Variants in KDM5C observed in about 807,000 individuals in gnomAD.
KDM5C encodes the protein lysine-specific demethylase 5C.
Under a neutral mutation model 110.6 loss-of-function variants are expected in KDM5C, and 16 were observed. The observed-to-expected ratio is 0.14, with a 90% confidence interval of 0.10 to 0.22. KDM5C has a LOEUF of 0.22. KDM5C is among the 10% of genes least tolerant of loss of function. The pLI, the probability that KDM5C is intolerant of heterozygous loss-of-function variation, is 1.00. For synonymous variants in KDM5C, 511 were observed against 520.4 expected, an observed-to-expected ratio of 0.98 and a Z score of 0.24; for missense variants, 681 against 1,300.9, an observed-to-expected ratio of 0.52 and a Z score of 7.33.
chrX:53,217,690 T>A (rs1192706224), intron 4 of KDM5C, 106 bp downstream of exon 4: 2 of 861,789 alleles, frequency 2.3e-6, no homozygotes, highest in African/African-American at 2.0e-5. Flanking sequence ...AAGAGCAGAG[T>A]CCAACTCCCA....
At chrX:53,203,915 C>T (rs1556843718) in intron 12 of KDM5C, among the ~76,000 whole-genome samples, 2 of 110,920 alleles carry the variant, frequency 1.8e-5, no homozygotes, top group African/African-American at 3.3e-5. Context: ...TACAGGCACA[C>T]GCCACTATGC....
chrX:53,195,664 T>A (rs930004012), intron 20 of KDM5C, among the ~76,000 whole-genome samples: 4 of 111,690 alleles, frequency 3.6e-5, no homozygotes, highest in Non-Finnish European at 3.8e-5. Flanking sequence ...CCTGCCCTGC[T>A]CAGTCCCATA....
Position 53,192,321 on chromosome X carries a change from CAGG to C in KDM5C, c.*643_*645del, listed in dbSNP as rs1934471818. The C allele has an allele frequency of 5.6e-6, 1 of 179,064 alleles. No individual in the cohort carries two copies. Among genetic ancestry groups the C allele is most frequent in the Non-Finnish European group, 1.1e-5 (1 of 94,462 alleles). 14.8% of individuals were successfully genotyped at this position (179,064 alleles called of 1,213,427 possible). The stretch of plus-strand genomic sequence containing the variant: ...ATCTTCTTTTATTACAACATGAACC[CAGG>C]AGGAGGAAAGGAGACAGGGGAGGAC... On this transcript the variant is annotated 3_prime_UTR_variant, in exon 26 of 26. Transcript: ENST00000375401.
chrX:53,216,279 A>T, intron 5 of KDM5C, 82 bp from the exon 6 acceptor site: 1 of 1,152,680 alleles, frequency 8.7e-7, no homozygotes, highest in Non-Finnish European at 1.2e-6. Context: ...CTCGGACTAC[A>T]TATCACCTGA....
chrX:53,204,217 T>A (rs949041210), intron 12 of KDM5C, among the ~76,000 whole-genome samples: 2 of 102,754 alleles, frequency 1.9e-5, no homozygotes, highest in African/African-American at 7.1e-5. Context: ...TGCAGGCCAG[T>A]CAGATTCCCC....
rs370077235 is a variant in KDM5C, at chrX:53,210,552, C to A, written c.1608G>T (p.Gly536=). Residue 536 remains glycine, a synonymous_variant, in exon 12 of 26, where the codon GGG becomes GGT. Coordinates refer to ENST00000375401, the MANE Select transcript of KDM5C (RefSeq NM_004187.5). ...LHWGEPKTWY[G]VPSLAAEHLE... ...AATGTTCTGCTGCAAGTGAGGGCAC[C>A]CCATACCAGGTCTTCGGCTCACCCC... The A allele has an allele frequency of 8.3e-7, 1 of 1,211,875 alleles. No individual in the cohort carries two copies. The highest frequency in any genetic ancestry group is 1.8e-5 in the South Asian group (1 of 57,006).
In KDM5C at chrX:53,195,036, G is replaced by A; in HGVS notation, c.3333C>T (p.Asp1111=). Residue 1111 remains aspartate, a synonymous_variant, in exon 22 of 26, where the codon GAC becomes GAT. Coordinates refer to ENST00000375401, the MANE Select transcript of KDM5C (RefSeq NM_004187.5). The part of the protein sequence containing the change: ...VLCPCADAGS[D]STKRSRWMEK... ...CCATCCACCGGCTGCGCTTGGTGCT[G>A]TCTGAGCCGGCATCTGCACATGGGC... 5 of 1,208,948 alleles carry A rather than the reference G, an allele frequency of 4.1e-6. No homozygotes were observed. Among genetic ancestry groups the A allele is most frequent in the South Asian group, 1.8e-5 (1 of 56,286 alleles).
At chrX:53,185,881 GC>G (rs1435661477) in intron 25 of KDM5C, among the ~76,000 whole-genome samples, 2 of 111,658 alleles carry the variant, frequency 1.8e-5, no homozygotes, top group Non-Finnish European at 3.8e-5. Flanking sequence ...ATAGACCAGA[GC>G]CCCTTGAATG....
Position 53,224,808 on chromosome X carries a change from G to A in KDM5C, c.82C>T (p.Leu28Phe). The change falls in exon 1 of 26, where the codon CTT becomes TTT. Residue 28 changes from leucine (L) to phenylalanine (F), a missense_variant. By Grantham distance (22) the Leu-to-Phe change is conservative. Around this residue, in one of 14 missense-constraint regions of KDM5C, gnomAD observed 15 missense variants for 37.0 expected, o/e 0.41. Transcript: ENST00000375401. The part of the protein sequence containing the change: ...EPSWAEFRDP[L>F]GYIAKIRPIA... Reference sequence around the variant, plus strand: ...GGCCTGATTTTCGCGATGTAGCCAAGAGGGTCTCGGAACTCGGCCCAGCTA... The same window carrying A: ...GGCCTGATTTTCGCGATGTAGCCAAAAGGGTCTCGGAACTCGGCCCAGCTA... 1 of 1,211,630 alleles carries A rather than the reference G, an allele frequency of 8.3e-7. No individual in the cohort carries two copies. The highest frequency in any genetic ancestry group is 1.1e-6 in the Non-Finnish European group (1 of 895,216).
chrX:53,186,371 A>T (rs1934217870), downstream of KDM5C, among the ~76,000 whole-genome samples: 1 of 112,031 alleles, frequency 8.9e-6, no homozygotes, highest in African/African-American at 3.2e-5. Flanking sequence ...CTATTTTGTG[A>T]ATGAATGGCT....
At chrX:53,205,593 ACT>A (rs1448940297) in intron 12 of KDM5C, among the ~76,000 whole-genome samples, 1 of 112,026 alleles carries the variant, frequency 8.9e-6, no homozygotes, top group Non-Finnish European at 1.9e-5. Flanking sequence ...TGACAGGTAA[ACT>A]CTTACTCTTC....
rs782274958 is a variant in KDM5C, at chrX:53,193,087, C to A, written c.4563G>T (p.Glu1521Asp). Reference sequence around the variant, plus strand: ...CCGCCGGTTCCAAGCCATTCTGGTTCTCCTGGGTGCTGGGGCTGCCAGTGG... The same window carrying A: ...CCGCCGGTTCCAAGCCATTCTGGTTATCCTGGGTGCTGGGGCTGCCAGTGG... ...IPTTGSPSTQ[E>D]NQNGLEPAEG... is the part of the protein sequence containing the mutation. Residue 1521 changes from glutamate to aspartate, a missense_variant, in exon 26 of 26, where the codon GAG (glutamate) becomes GAT (aspartate). Physicochemically the swap from Glu to Asp is conservative, Grantham distance 45. This residue lies in a region of KDM5C where 115 missense variants were observed against 120.9 expected (regional missense o/e 0.95). Coordinates refer to ENST00000375401, the MANE Select transcript of KDM5C (RefSeq NM_004187.5). 4.1e-6 allele frequency: 5 copies of A among 1,207,198 alleles called. No individual in the cohort carries two copies. In the Admixed American group the frequency reaches 6.6e-5, roughly 16 times the overall value.
intron 12 of KDM5C, 121 bp downstream of exon 12, chrX:53,210,292 TA>T: frequency 1.1e-6 from 1 of 921,734 alleles, no homozygotes; most frequent in Non-Finnish European, 1.5e-6. Flanking sequence ...GTAGCCCAAT[TA>T]AGAACAGCAA....
chrX:53,194,955 C>T lies in KDM5C; in HGVS notation c.3414G>A (p.Gln1138=), dbSNP rs1556835323. The change falls in exon 22 of 26, where the codon CAG becomes CAA. Residue 1138 remains glutamine, a synonymous_variant. Coordinates refer to ENST00000375401, the MANE Select transcript of KDM5C (RefSeq NM_004187.5). The stretch of plus-strand genomic sequence containing the variant: ...CCACAGAGCCTGGGTCCCTGAGGTC[C>T]TGCGCAGACAGCCCCAGCAGCTCTG... ...SDTELLGLSA[Q]DLRDPGSVIV... is the part of the protein sequence containing the mutation. The T allele has an allele frequency of 2.5e-6, 3 of 1,211,416 alleles. No homozygotes were observed. Among genetic ancestry groups the T allele is most frequent in the South Asian group, 3.5e-5 (2 of 56,930 alleles).
chrX:53,190,623 C>G (rs1461236057), downstream of KDM5C, among the ~76,000 whole-genome samples: 4 of 111,668 alleles, frequency 3.6e-5, no homozygotes, highest in African/African-American at 1.3e-4. Context: ...TTCCCCTAGA[C>G]TGAGACCTGG....
intron 12 of KDM5C, chrX:53,202,279 GTTAT>G: frequency 3.7e-6 from 1 of 268,999 alleles, no homozygotes; most frequent in South Asian, 4.4e-5. Flanking sequence ...AGCTTTTTTA[GTTAT>G]TTACTTTCAT....
rs1452317965 is a variant in KDM5C at position 53,197,200 on chromosome X, G to A, written c.2623-156C>T. Among the ~76,000 whole-genome samples, 3 of 112,048 alleles carry A rather than the reference G, an allele frequency of 2.7e-5. No homozygotes were observed. In the Admixed American group the frequency reaches 2.8e-4, roughly 11 times the overall value. On this transcript the variant is annotated intron_variant, in intron 18 of 25. Coordinates refer to ENST00000375401, the MANE Select transcript of KDM5C (RefSeq NM_004187.5). ...TGAGCTCTCCTTCTCCAAGCCCTAAGACAGTTGGGGTTCCTAACACTGACT... is the reference window on the plus strand; with the variant it reads ...TGAGCTCTCCTTCTCCAAGCCCTAAAACAGTTGGGGTTCCTAACACTGACT...
chrX:53,203,202 G>A (rs1046225121), intron 12 of KDM5C, among the ~76,000 whole-genome samples: 1 of 111,790 alleles, frequency 8.9e-6, no homozygotes, highest in African/African-American at 3.3e-5. Context: ...TGAAAAGTTC[G>A]AAGCCATTCT....
rs1556856309 is a variant in KDM5C, at chrX:53,224,967, G to A, written c.-78C>T. On this transcript the variant is annotated 5_prime_UTR_variant, in exon 1 of 26. Coordinates refer to ENST00000375401, the MANE Select transcript of KDM5C (RefSeq NM_004187.5). ...ACTCATGGCGCCGCCGCTGTTTGAA[G>A]CCGAGGCAATGCTCGGAGGCTAGGC... 9.2e-7 allele frequency: 1 copy of A among 1,089,924 alleles called. No individual in the cohort carries two copies. The highest frequency in any genetic ancestry group is 1.2e-6 in the Non-Finnish European group (1 of 824,776). The allele number at this position is 1,089,924 out of a possible 1,213,427, so 89.8% of individuals were successfully genotyped here.
Sources: gnomAD v4.1 joint callset for allele counts (sites outside exome capture counted in the v4.1 genomes callset) on GRCh38, gnomAD v4.1.1 for gene constraint, gnomAD v4.1.1 regional missense constraint, MANE v1.5 for transcripts, NCBI Gene and HGNC (gene_info 2026-07-23, HGNC 2026-07-21) for gene names.